Variants in SPAG16 observed in about 807,000 individuals in gnomAD.
SPAG16 encodes sperm associated antigen 16.
A neutral mutation model predicts 80.4 loss-of-function variants in SPAG16; 86 were observed. The observed-to-expected ratio is 1.07, with a 90% CI of 0.90 to 1.28. The LOEUF is 1.28. Ranked by LOEUF, SPAG16 falls within the 50% of genes most tolerant of loss-of-function variation. SPAG16 has a pLI of 0.00. For synonymous variants in SPAG16, 294 were observed against 265.9 expected, an observed-to-expected ratio of 1.11 and a Z score of -1.03; for missense variants, 870 against 765.3, an observed-to-expected ratio of 1.14 and a Z score of -1.61.
intron 15 of SPAG16, among the ~76,000 whole-genome samples, chr2:214,170,352 AT>A (rs1479011475): frequency 6.6e-6 from 1 of 151,940 alleles, no homozygotes; most frequent in African/African-American, 2.4e-5. Flanking sequence ...CATTGCTGCA[AT>A]TCTACCTAGT....
At chr2:213,308,009 G>A (rs2063025190) in intron 3 of SPAG16, among the ~76,000 whole-genome samples, 1 of 152,142 alleles carries the variant, frequency 6.6e-6, no homozygotes, top group African/African-American at 2.4e-5. Context: ...GAAAGAGAAG[G>A]CGAAAGGAAA....
At chr2:213,443,535 C>A (rs1435523814) in intron 9 of SPAG16, among the ~76,000 whole-genome samples, 1 of 152,000 alleles carries the variant, frequency 6.6e-6, no homozygotes, top group Non-Finnish European at 1.5e-5. Flanking sequence ...TCCACAATTT[C>A]TTTATTCATT....
intron 10 of SPAG16, among the ~76,000 whole-genome samples, chr2:213,860,960 C>T (rs538890373): frequency 6.6e-6 from 1 of 152,246 alleles, no homozygotes; most frequent in South Asian, 2.1e-4. Flanking sequence ...TTTTACCTCT[C>T]ATCATATTTT....
At chr2:213,881,458 G>T (rs1317084125) in intron 11 of SPAG16, among the ~76,000 whole-genome samples, 3 of 152,144 alleles carry the variant, frequency 2.0e-5, no homozygotes, top group Admixed American at 6.5e-5. Context: ...TGCTATATGT[G>T]TCTGTTTTTA....
At chr2:213,938,582 C>T (rs1038439231) in intron 12 of SPAG16, among the ~76,000 whole-genome samples, 7 of 151,856 alleles carry the variant, frequency 4.6e-5, no homozygotes, top group Non-Finnish European at 8.8e-5. Context: ...GTTTTAAAAC[C>T]ATTTATTTCA....
chr2:214,044,683 T>C (rs1405043280), intron 13 of SPAG16, among the ~76,000 whole-genome samples: 1 of 152,190 alleles, frequency 6.6e-6, no homozygotes, highest in Non-Finnish European at 1.5e-5. Context: ...CTTCATCCCC[T>C]GGCAGAGGCC....
At chr2:213,689,382 A>G (rs529882739) in intron 10 of SPAG16, among the ~76,000 whole-genome samples, 1 of 152,300 alleles carries the variant, frequency 6.6e-6, no homozygotes, top group African/African-American at 2.4e-5. Flanking sequence ...TTTGGATGCC[A>G]AACAATGTGA....
chr2:213,301,044 G>C (rs1451646858), intron 3 of SPAG16, among the ~76,000 whole-genome samples: 1 of 152,016 alleles, frequency 6.6e-6, no homozygotes. Context: ...AGTAATTGTG[G>C]CTATACCATT....
chr2:214,351,715 C>CAA lies in SPAG16; in HGVS notation c.1721-58423_1721-58422dup, dbSNP rs67714838. On this transcript the variant is annotated intron_variant, in intron 15 of 15. Transcript: ENST00000331683. ...GAGACTCCGTCTCAAAACAAACAAA[C>CAA]AAACAAAAAAAACAACAAAACTTAA... 6.1e-3 allele frequency among the ~76,000 whole-genome samples: 891 copies of CAA among 146,706 alleles called. 6 individuals are homozygous for CAA. The highest frequency in any genetic ancestry group is 0.011 in the South Asian group (53 of 4,712).
intron 9 of SPAG16, chr2:213,422,634 T>A: frequency 3.4e-6 from 1 of 289,870 alleles, no homozygotes; most frequent in Non-Finnish European, 6.5e-6. Context: ...CCTGTGACAG[T>A]ATCAGAGTTC....
chr2:213,301,280 G>A (rs1336416507), intron 3 of SPAG16, among the ~76,000 whole-genome samples: 1 of 152,098 alleles, frequency 6.6e-6, no homozygotes, highest in African/African-American at 2.4e-5. Flanking sequence ...TCAAAGCCAT[G>A]TCTACAGATT....
At chr2:214,007,589 A>G (rs1241694139) in intron 12 of SPAG16, among the ~76,000 whole-genome samples, 1 of 152,158 alleles carries the variant, frequency 6.6e-6, no homozygotes, top group Non-Finnish European at 1.5e-5. Context: ...GGTTTTATTT[A>G]TCTAAAAAAT....
rs572632482 is a variant in SPAG16 at position 213,805,676 on chromosome 2, G to C, written c.1071-56809G>C. ...CAGAGAAACAAACCTTCTGATGTCT[G>C]AGAGCCCTTCCAACTCCTCCATTCT... On this transcript the variant is annotated intron_variant, in intron 10 of 15. Transcript: ENST00000331683. Among the ~76,000 whole-genome samples, 117 of 152,232 alleles carry C rather than the reference G, an allele frequency of 7.7e-4. 2 individuals are homozygous for C. The South Asian group carries it at 0.024, about 31-fold the overall frequency.
chr2:213,506,270 T>C (rs1387834300), intron 10 of SPAG16, among the ~76,000 whole-genome samples: 2 of 152,152 alleles, frequency 1.3e-5, no homozygotes, highest in Non-Finnish European at 2.9e-5. Context: ...ATGTTAATTA[T>C]TTTAGCTATT....
rs527840940 is a variant in SPAG16 at position 213,719,213 on chromosome 2, A to G, written c.1071-143272A>G. Among the ~76,000 whole-genome samples, 352 of 150,646 alleles carry G rather than the reference A, an allele frequency of 2.3e-3. 3 individuals are homozygous for G. Among genetic ancestry groups the G allele is most frequent in the Non-Finnish European group, 3.2e-3 (216 of 67,548 alleles). ...TAGCTCAAGGTTTGTGAGTGCACCA[A>G]TCGACACTCTGTATCTAGCTGCTCT... On this transcript the variant is annotated intron_variant, in intron 10 of 15. Coordinates refer to ENST00000331683, the MANE Select transcript of SPAG16 (RefSeq NM_024532.5).
intron 11 of SPAG16, among the ~76,000 whole-genome samples, chr2:213,915,429 T>A (rs1237853138): frequency 2.6e-5 from 4 of 152,144 alleles, no homozygotes; most frequent in Non-Finnish European, 5.9e-5. Flanking sequence ...GGTTTCCAGC[T>A]TCATCCTTGT....
chr2:214,006,307 G>T (rs2124912480), intron 12 of SPAG16, among the ~76,000 whole-genome samples: 1 of 152,204 alleles, frequency 6.6e-6, no homozygotes, highest in African/African-American at 2.4e-5. Flanking sequence ...AAAATTTAAT[G>T]TTTCACAAAG....
At chr2:214,042,619 T>A (rs1231614242) in intron 13 of SPAG16, among the ~76,000 whole-genome samples, 1 of 152,218 alleles carries the variant, frequency 6.6e-6, no homozygotes, top group Non-Finnish European at 1.5e-5. Flanking sequence ...GTTCAATGTT[T>A]CCTAAGATTG....
intron 13 of SPAG16, among the ~76,000 whole-genome samples, chr2:214,035,391 C>G (rs570566908): frequency 6.6e-6 from 1 of 152,216 alleles, no homozygotes; most frequent in Non-Finnish European, 1.5e-5. Flanking sequence ...CCATTCATGG[C>G]GCCCAGGCCA....
Sources: gnomAD v4.1 joint callset for allele counts (sites outside exome capture counted in the v4.1 genomes callset) on GRCh38, gnomAD v4.1.1 for gene constraint, MANE v1.5 for transcripts, NCBI Gene and HGNC (gene_info 2026-07-23, HGNC 2026-07-21) for gene names.